ASCC3: variants seen among roughly 807,000 people sequenced by gnomAD.
ASCC3 encodes the protein activating signal cointegrator 1 complex subunit 3, also known as ASC-1 complex subunit P200.
ASCC3 carries 158 observed loss-of-function variants against 256.3 expected under a neutral mutation model. That is an observed-to-expected ratio of 0.62 (90% CI 0.54 to 0.70). ASCC3 has a LOEUF of 0.70. Ranked by LOEUF, ASCC3 falls within the 30% of genes least tolerant of loss-of-function variation. The pLI is 0.00. For synonymous variants in ASCC3, 948 were observed against 883.4 expected (o/e 1.07, Z -1.30); for missense variants, 2,259 against 2,626.0 (o/e 0.86, Z 3.05).
chr6:100,815,654 A>G (rs1158269580), intron 4 of ASCC3, among the ~76,000 whole-genome samples: 3 of 152,104 alleles, frequency 2.0e-5, no homozygotes, highest in African/African-American at 7.2e-5. Flanking sequence ...CAACAAAAAC[A>G]AGGAATGGGG....
chr6:100,785,754 T>TA (rs1459172040), intron 8 of ASCC3, among the ~76,000 whole-genome samples: 1 of 152,090 alleles, frequency 6.6e-6, no homozygotes, highest in African/African-American at 2.4e-5. Flanking sequence ...AATATGCCTG[T>TA]AAGTGTCAAT....
chr6:100,677,467 T>C (rs1407720424), intron 14 of ASCC3, among the ~76,000 whole-genome samples: 5 of 152,170 alleles, frequency 3.3e-5, no homozygotes, highest in Admixed American at 3.3e-4. Context: ...GCTCAAATCA[T>C]GGCCTCACTA....
intron 3 of ASCC3, among the ~76,000 whole-genome samples, chr6:100,854,808 GA>G (rs1354791065): frequency 1.3e-5 from 2 of 152,044 alleles, no homozygotes; most frequent in Non-Finnish European, 2.9e-5. Flanking sequence ...CCATCATTTT[GA>G]GCATCACTAA....
intron 8 of ASCC3, among the ~76,000 whole-genome samples, chr6:100,769,967 C>T (rs1231590140): frequency 1.3e-5 from 2 of 151,740 alleles, no homozygotes; most frequent in Non-Finnish European, 2.9e-5. Context: ...CACAAAAAAA[C>T]CTCCAGGGCC....
intron 27 of ASCC3, 152 bp downstream of exon 27, chr6:100,628,863 G>A: frequency 1.3e-6 from 1 of 768,616 alleles, no homozygotes; most frequent in Admixed American, 2.7e-5. Flanking sequence ...TAATTAGCTT[G>A]ATTTAATAAT....
intron 36 of ASCC3, among the ~76,000 whole-genome samples, chr6:100,544,569 AATAG>A (rs1171822764): frequency 2.6e-5 from 4 of 152,116 alleles, no homozygotes; most frequent in African/African-American, 4.8e-5. Context: ...ACTAAGATGA[AATAG>A]ATAAACTCCT....
intron 14 of ASCC3, among the ~76,000 whole-genome samples, chr6:100,670,723 G>A (rs1192059122): frequency 6.6e-6 from 1 of 151,890 alleles, no homozygotes; most frequent in Non-Finnish European, 1.5e-5. Context: ...AACTGCTGGA[G>A]GAAGTATAAA....
rs564735126 is a variant in ASCC3, at chr6:100,853,833, A to AT, written c.242-5127dup. ...CTGTTAAATCCTCAGAGATTAGCTG[A>AT]TTTTTTTGAATCTGGCAAGTATGAT... is the stretch of plus-strand genomic sequence containing the variant. On this transcript the variant is annotated intron_variant, in intron 3 of 41. Coordinates refer to ENST00000369162, the MANE Select transcript of ASCC3 (RefSeq NM_006828.4). Among the ~76,000 whole-genome samples the AT allele has an allele frequency of 2.6e-3, 400 of 152,278 alleles. 1 individual carries two copies. The highest frequency in any genetic ancestry group is 8.5e-3 in the African/African-American group (352 of 41,558).
intron 34 of ASCC3, among the ~76,000 whole-genome samples, chr6:100,590,430 A>C (rs1333705955): frequency 1.3e-5 from 2 of 152,172 alleles, no homozygotes; most frequent in Non-Finnish European, 2.9e-5. Flanking sequence ...GCATCCCTGC[A>C]ACACTGAGAA....
chr6:100,688,839 C>T (rs1201838495), intron 13 of ASCC3, among the ~76,000 whole-genome samples: 1 of 152,068 alleles, frequency 6.6e-6, no homozygotes, highest in African/African-American at 2.4e-5. Flanking sequence ...AGCCACCATT[C>T]ATTACATGAA....
chr6:100,722,585 T>C (rs544282401), intron 11 of ASCC3, among the ~76,000 whole-genome samples: 31 of 151,892 alleles, frequency 2.0e-4, no homozygotes, highest in African/African-American at 7.5e-4. Flanking sequence ...ACTATATCTA[T>C]AGCACTTAGA....
intron 3 of ASCC3, among the ~76,000 whole-genome samples, chr6:100,854,863 A>G (rs1249467507): frequency 2.0e-5 from 3 of 152,190 alleles, no homozygotes; most frequent in Non-Finnish European, 4.4e-5. Context: ...TTTAACTTCC[A>G]TTTTAGATTG....
chr6:100,718,515 T>C (rs1489011334), intron 11 of ASCC3, among the ~76,000 whole-genome samples: 1 of 151,938 alleles, frequency 6.6e-6, no homozygotes, highest in Admixed American at 6.6e-5. Flanking sequence ...TCCCAGCACT[T>C]TGGGAGGCAA....
intron 13 of ASCC3, among the ~76,000 whole-genome samples, chr6:100,683,776 T>A (rs1029371091): frequency 8.6e-5 from 13 of 150,824 alleles, no homozygotes; most frequent in African/African-American, 2.9e-4. Flanking sequence ...TTTATTTGAG[T>A]TTTTTAGGTT....
chr6:100,751,011 T>A (rs1199108233), intron 10 of ASCC3, among the ~76,000 whole-genome samples: 5 of 152,054 alleles, frequency 3.3e-5, no homozygotes, highest in African/African-American at 1.2e-4. Flanking sequence ...GCTTATTTGC[T>A]CCCCTAATTC....
At chr6:100,641,521 C>T in intron 24 of ASCC3, among the ~76,000 whole-genome samples, 1 of 152,190 alleles carries the variant, frequency 6.6e-6, no homozygotes, top group Non-Finnish European at 1.5e-5. Flanking sequence ...TGTTCATATC[C>T]TTTGCCCACT....
rs966760726 is a variant in ASCC3 at position 100,799,639 on chromosome 6, A to T, written c.1128-67T>A. On this transcript the variant is annotated intron_variant, in intron 6 of 41. Coordinates refer to ENST00000369162, the MANE Select transcript of ASCC3 (RefSeq NM_006828.4). The stretch of plus-strand genomic sequence containing the variant: ...GAAAGGTAATGCATACACCAAAACA[A>T]GGCAATTATAAAAGATATTGGGAGC... The T allele has an allele frequency of 1.1e-5, 17 of 1,502,230 alleles. No homozygotes were observed. In the Admixed American group the frequency reaches 3.0e-4, roughly 26 times the overall value. The allele number at this position is 1,502,230 out of a possible 1,614,324, so 93.1% of individuals were successfully genotyped here.
At position 100,601,881 on chromosome 6, in the gene ASCC3, A is replaced by C. The variant is rs372582476; in HGVS notation, c.5232T>G (p.Ile1744Met). 1.9e-5 allele frequency: 30 copies of C among 1,612,476 alleles called. No individual in the cohort carries two copies. The highest frequency in any genetic ancestry group is 2.7e-5 in the African/African-American group (2 of 74,844). ...HLNAEIAGGT[I>M]TSKQDALDYI... ...AATCCAATGCATCTTGCTTAGATGT[A>C]ATTGTACCACCAGCAATCTCTGCAT... is the stretch of plus-strand genomic sequence containing the variant. Residue 1744 changes from isoleucine (I) to methionine (M), a missense_variant, in exon 34 of 42, where the codon ATT becomes ATG. Ile to Met is a conservative substitution (Grantham distance 10, BLOSUM62 1). Coordinates refer to ENST00000369162, the MANE Select transcript of ASCC3 (RefSeq NM_006828.4).
At chr6:100,623,442 C>T (rs769822463) in intron 30 of ASCC3, among the ~76,000 whole-genome samples, 7 of 152,222 alleles carry the variant, frequency 4.6e-5, no homozygotes, top group Non-Finnish European at 8.8e-5. Flanking sequence ...TTAACTATTA[C>T]ACAATAATGT....
Sources: gnomAD v4.1 joint callset for allele counts (sites outside exome capture counted in the v4.1 genomes callset) on GRCh38, gnomAD v4.1.1 for gene constraint, MANE v1.5 for transcripts, NCBI Gene and HGNC (gene_info 2026-07-23, HGNC 2026-07-21) for gene names.